Variants in LAMC3 observed in about 807,000 individuals in gnomAD.
LAMC3 encodes the protein laminin subunit gamma 3.
A neutral mutation model predicts 173.8 loss-of-function variants in LAMC3; 128 were observed. The observed-to-expected ratio is 0.74, with a 90% CI of 0.64 to 0.85. The LOEUF is 0.85. Among genes scored for constraint, LAMC3 ranks in the 40% least tolerant of loss-of-function variants. LAMC3 has a pLI of 0.00. For missense variants in LAMC3, 2,022 were observed against 2,156.0 expected, an observed-to-expected ratio of 0.94 and a Z score of 1.23; for synonymous variants, 897 against 909.1, an observed-to-expected ratio of 0.99 and a Z score of 0.24.
At chr9:131,025,426 C>G (rs1000817917) in intron 1 of LAMC3, among the ~76,000 whole-genome samples, 1 of 152,122 alleles carries the variant, frequency 6.6e-6, no homozygotes, top group African/African-American at 2.4e-5. Context: ...GCAGGGCAGG[C>G]AGGTGCCTAA....
intron 9 of LAMC3, among the ~76,000 whole-genome samples, chr9:131,051,077 G>A (rs988506724): frequency 6.6e-5 from 10 of 152,180 alleles, no homozygotes; most frequent in Non-Finnish European, 1.5e-4. Flanking sequence ...TGGGGCAGAG[G>A]GACACAGGGA....
At chr9:131,068,604 C>T (rs1381714750) in intron 15 of LAMC3, among the ~76,000 whole-genome samples, 1 of 152,170 alleles carries the variant, frequency 6.6e-6, no homozygotes, top group Non-Finnish European at 1.5e-5. Flanking sequence ...CAGGTTTCTT[C>T]CTTGCAGGAC....
intron 7 of LAMC3, among the ~76,000 whole-genome samples, chr9:131,044,749 T>A (rs1403671542): frequency 1.3e-5 from 2 of 152,194 alleles, no homozygotes; most frequent in African/African-American, 4.8e-5. Flanking sequence ...ATGAGAAACA[T>A]CAGACATTCT....
intron 8 of LAMC3, among the ~76,000 whole-genome samples, chr9:131,048,322 G>T (rs1470589592): frequency 6.6e-6 from 1 of 152,172 alleles, no homozygotes; most frequent in East Asian, 1.9e-4. Context: ...CTCTCAGAGT[G>T]CTGGGATTAC....
Position 131,057,019 on chromosome 9 carries a change from C to T in LAMC3, c.2030C>T (p.Thr677Ile). 2 of 1,614,166 alleles carry T rather than the reference C, an allele frequency of 1.2e-6. No individual in the cohort carries two copies. Among genetic ancestry groups the T allele is most frequent in the East Asian group, 2.2e-5 (1 of 44,874 alleles). The change falls in exon 12 of 28, where the codon ACT becomes ATT. Residue 677 changes from threonine (T) to isoleucine (I), a missense_variant. By Grantham distance (89) the Thr-to-Ile change is moderately conservative (BLOSUM62 -1). Transcript: ENST00000361069. ...TGGGTGGAGATTTGTTCATGTCCCA[C>T]TGGCTACACGGGCCAGTTCTGTGAA... is the stretch of plus-strand genomic sequence containing the variant. ...ASWVEICSCPTGYTGQFCESC... is the reference protein window; with the variant it reads ...ASWVEICSCPIGYTGQFCESC...
chr9:131,071,931 C>T (rs1195918895), intron 18 of LAMC3, among the ~76,000 whole-genome samples: 2 of 152,142 alleles, frequency 1.3e-5, no homozygotes, highest in Non-Finnish European at 2.9e-5. Flanking sequence ...TGATTCTTGG[C>T]CGTTTTGCTC....
chr9:131,020,736 G>A (rs775149464), intron 1 of LAMC3, among the ~76,000 whole-genome samples: 14 of 152,234 alleles, frequency 9.2e-5, no homozygotes, highest in Non-Finnish European at 1.3e-4. Flanking sequence ...GAATGAGCTA[G>A]TGATCTGGTG....
At chr9:131,040,324 T>A (rs967990276) in intron 6 of LAMC3, among the ~76,000 whole-genome samples, 14 of 152,182 alleles carry the variant, frequency 9.2e-5, no homozygotes, top group African/African-American at 3.1e-4. Context: ...ATTACAAATG[T>A]GCACCACCAC....
At chr9:131,052,224 G>A (rs925070678) in intron 9 of LAMC3, among the ~76,000 whole-genome samples, 9 of 152,234 alleles carry the variant, frequency 5.9e-5, no homozygotes, top group South Asian at 2.1e-4. Flanking sequence ...TCCATCGGAC[G>A]TCACTTCTAA....
intron 9 of LAMC3, among the ~76,000 whole-genome samples, chr9:131,051,123 G>A (rs1027538492): frequency 6.6e-6 from 1 of 152,170 alleles, no homozygotes; most frequent in Admixed American, 6.5e-5. Context: ...CCAAAGCTGT[G>A]GCGGGGCGCG....
chr9:131,009,623 G>T lies in LAMC3; in HGVS notation c.373+36G>T. 6.4e-7 allele frequency: 1 copy of T among 1,551,738 alleles called. No homozygotes were observed. On this transcript the variant is annotated intron_variant, in intron 1 of 27. Coordinates refer to ENST00000361069, the MANE Select transcript of LAMC3 (RefSeq NM_006059.4). This position sits in a 1 kb window ranked among gnomAD's most constrained non-coding sequence, Gnocchi z 4.3. ...GCTGGGGGCACCGCCACCGCACCCC[G>T]TGTCCCCACTCCACTGGGGGTCTGA...
intron 11 of LAMC3, among the ~76,000 whole-genome samples, chr9:131,055,647 G>C (rs572922930): frequency 1.0e-4 from 15 of 150,744 alleles, no homozygotes; most frequent in African/African-American, 3.2e-4. Context: ...GGATGGTCTC[G>C]ATTTCCTGAC....
chr9:131,065,012 G>T (rs1244036091), intron 13 of LAMC3, among the ~76,000 whole-genome samples: 3 of 138,516 alleles, frequency 2.2e-5, no homozygotes, highest in African/African-American at 8.1e-5. Context: ...TTGCACTCCA[G>T]CCTGGGCAAC....
intron 6 of LAMC3, among the ~76,000 whole-genome samples, chr9:131,040,068 G>A (rs1399033238): frequency 1.5e-5 from 2 of 134,422 alleles, no homozygotes; most frequent in Non-Finnish European, 3.1e-5. Context: ...AGGCTGGAAT[G>A]CAGTGGTGCC....
chr9:131,029,139 T>C lies in LAMC3; in HGVS notation c.678+2550T>C, dbSNP rs1452988907. 6.6e-6 allele frequency among the ~76,000 whole-genome samples: 1 copy of C among 152,162 alleles called. No individual in the cohort carries two copies. The highest frequency in any genetic ancestry group is 1.5e-5 in the Non-Finnish European group (1 of 68,044). On this transcript the variant is annotated intron_variant, in intron 2 of 27. Transcript: ENST00000361069. This position sits in a 1 kb window ranked among gnomAD's most constrained non-coding sequence, Gnocchi z 4.6. ...TGTGGCCCAAGGGAAGACCCTCTTA[T>C]CAGGAGGGACATCCAAGGATATGGA...
In LAMC3 at chr9:131,087,671, C is replaced by A. The variant is rs6597675; in HGVS notation, c.4378-47C>A. On this transcript the variant is annotated intron_variant, in intron 26 of 27. Coordinates refer to ENST00000361069, the MANE Select transcript of LAMC3 (RefSeq NM_006059.4). The stretch of plus-strand genomic sequence containing the variant: ...CTATCGCCTCCTGCCCCTGGCAGCC[C>A]GGGTGGGGACGCCATTCAAGCTGTT... The A allele has an allele frequency of 0.41, 661,350 of 1,613,532 alleles. 139,310 individuals carry two copies. The highest frequency in any genetic ancestry group is 0.61 in the African/African-American group (45,496 of 75,002).
intron 3 of LAMC3, among the ~76,000 whole-genome samples, chr9:131,033,366 G>A (rs3808810): frequency 0.11 from 16,759 of 152,250 alleles, 1,137 homozygotes; most frequent in Middle Eastern, 0.27. Context: ...ACATCAGCCC[G>A]CTCCAGGATG....
At position 131,067,206 on chromosome 9, in the gene LAMC3, G is replaced by T; in HGVS notation, c.2593+1G>T. 3.7e-6 allele frequency: 6 copies of T among 1,613,052 alleles called. No individual in the cohort carries two copies. Among genetic ancestry groups the T allele is most frequent in the Non-Finnish European group, 5.1e-6 (6 of 1,179,458 alleles). On this transcript the variant is annotated splice_donor_variant, in intron 14 of 27. Coordinates refer to ENST00000361069, the MANE Select transcript of LAMC3 (RefSeq NM_006059.4). LOFTEE classifies it high-confidence loss of function. ...CCTCGACCCGCAGACAAATGCATGCGTGAGTACCTACCTCCAGACCCCAGG... is the reference window on the plus strand; with the variant it reads ...CCTCGACCCGCAGACAAATGCATGCTTGAGTACCTACCTCCAGACCCCAGG...
chr9:131,080,282 C>CTTTTTTTTTTTT (rs869244832), intron 23 of LAMC3: 1 of 56,338 alleles, frequency 1.8e-5, no homozygotes, highest in Non-Finnish European at 3.1e-5. Context: ...AGCCTCATTC[C>CTTTTTTTTTTTT]TTTTTTTTTT....
Sources: allele counts gnomAD v4.1 joint callset (sites outside exome capture counted in the v4.1 genomes callset), GRCh38; gene constraint gnomAD v4.1.1; non-coding constraint Gnocchi (gnomAD v3.1); transcripts MANE v1.5; gene names NCBI Gene and HGNC (gene_info 2026-07-23, HGNC 2026-07-21).